The following AGBL1 variants were observed in gnomAD, a reference collection of about 807,000 sequenced individuals.
The protein encoded by AGBL1 is cytosolic carboxypeptidase 4.
In AGBL1, 130 loss-of-function variants were observed where a neutral mutation model predicts 118.9. That is an observed-to-expected ratio of 1.09 (90% CI 0.95 to 1.26). AGBL1 has a LOEUF of 1.26. AGBL1 is among the 50% of genes most tolerant of loss of function. The probability of loss-of-function intolerance (pLI) is 0.00; values close to 1 mark genes in which losing one functional copy is unlikely to be tolerated. For synonymous variants in AGBL1, 555 were observed against 478.9 expected, an observed-to-expected ratio of 1.16 and a Z score of -2.08; for missense variants, 1,584 against 1,298.1, an observed-to-expected ratio of 1.22 and a Z score of -3.38.
chr15:86,300,502 A>G (rs745361672), intron 17 of AGBL1, among the ~76,000 whole-genome samples: 1 of 152,188 alleles, frequency 6.6e-6, no homozygotes, highest in Non-Finnish European at 1.5e-5. Flanking sequence ...CATTCTCTAA[A>G]TGAATAGTCA....
chr15:86,225,597 G>C (rs1322424102), intron 6 of AGBL1, among the ~76,000 whole-genome samples: 1 of 152,128 alleles, frequency 6.6e-6, no homozygotes, highest in African/African-American at 2.4e-5. Context: ...TAATTACGTT[G>C]GGAGTCAATT....
At chr15:86,585,696 T>C (rs1348370414) in intron 21 of AGBL1, among the ~76,000 whole-genome samples, 1 of 152,062 alleles carries the variant, frequency 6.6e-6, no homozygotes, top group Non-Finnish European at 1.5e-5. Context: ...CTTTTAAACA[T>C]AAAATAAACA....
chr15:86,700,168 C>CT (rs1202120514), intron 22 of AGBL1, among the ~76,000 whole-genome samples: 1 of 151,862 alleles, frequency 6.6e-6, no homozygotes, highest in Non-Finnish European at 1.5e-5. Context: ...TCAAGGATTA[C>CT]TTTTTTCTTC....
chr15:87,027,319 T>G (rs1395971818), intron 24 of AGBL1, among the ~76,000 whole-genome samples: 1 of 151,992 alleles, frequency 6.6e-6, no homozygotes, highest in African/African-American at 2.4e-5. Context: ...GAAGTGCTTT[T>G]ACACTGTTGG....
chr15:86,793,893 CAAT>C (rs1298207269), intron 22 of AGBL1, among the ~76,000 whole-genome samples: 12 of 152,124 alleles, frequency 7.9e-5, no homozygotes, highest in Non-Finnish European at 1.8e-4. Context: ...ATTAAAACAA[CAAT>C]GAGATACCAC....
Position 86,910,244 on chromosome 15 carries a change from A to T in AGBL1, c.*2950A>T, listed in dbSNP as rs1468428677. ...TAAAGGGAGAAAAGACATGCGAAGGAGTGGAAAGATTTTGTGCAAAGGCCC... is the reference window on the plus strand; with the variant it reads ...TAAAGGGAGAAAAGACATGCGAAGGTGTGGAAAGATTTTGTGCAAAGGCCC... On this transcript the variant is annotated 3_prime_UTR_variant, in exon 23 of 23. Coordinates refer to ENST00000614907, the MANE Select transcript of AGBL1 (RefSeq NM_001386094.1). The T allele has an allele frequency of 6.6e-6, 1 of 152,230 alleles. No homozygotes were observed. The highest frequency in any genetic ancestry group is 1.9e-4 in the East Asian group (1 of 5,198). 9.4% of individuals were successfully genotyped at this position (152,230 alleles called of 1,614,324 possible).
At chr15:86,407,281 A>G (rs1011498941) in intron 18 of AGBL1, among the ~76,000 whole-genome samples, 1 of 152,230 alleles carries the variant, frequency 6.6e-6, no homozygotes, top group Non-Finnish European at 1.5e-5. Context: ...ACTCAAGGTC[A>G]GTCCCGTGTC....
chr15:86,526,563 TATATATATATAC>T (rs2083266472), intron 19 of AGBL1, among the ~76,000 whole-genome samples: 1 of 140,252 alleles, frequency 7.1e-6, no homozygotes, highest in African/African-American at 2.6e-5. Context: ...TATATATATA[TATATATATATAC>T]ACACAGAGTA....
chr15:86,220,419 C>G (rs1408735693), intron 5 of AGBL1, among the ~76,000 whole-genome samples: 1 of 152,192 alleles, frequency 6.6e-6, no homozygotes, highest in Non-Finnish European at 1.5e-5. Context: ...TGCTGCTTGG[C>G]ATTTATAGGT....
chr15:86,301,869 G>T (rs962465225), intron 17 of AGBL1, among the ~76,000 whole-genome samples: 1 of 152,040 alleles, frequency 6.6e-6, no homozygotes, highest in Admixed American at 6.6e-5. Context: ...ACACAGCTTT[G>T]CTTTCAAAGA....
intron 22 of AGBL1, among the ~76,000 whole-genome samples, chr15:86,844,831 G>C (rs1567203378): frequency 6.6e-6 from 1 of 152,076 alleles, no homozygotes; most frequent in African/African-American, 2.4e-5. Context: ...GAGTTTGATA[G>C]TTTTTGCTCT....
chr15:86,100,786 T>C (rs1401988755), intron 1 of AGBL1, among the ~76,000 whole-genome samples: 1 of 152,074 alleles, frequency 6.6e-6, no homozygotes, highest in Non-Finnish European at 1.5e-5. Context: ...TATCTAGCAG[T>C]TTGTCGATTT....
At chr15:86,168,424 CAAA>C (rs1000212585) in intron 5 of AGBL1, among the ~76,000 whole-genome samples, 2 of 151,982 alleles carry the variant, frequency 1.3e-5, no homozygotes, top group African/African-American at 4.8e-5. Flanking sequence ...TGTATCAAGA[CAAA>C]AAAATTCCTA....
chr15:86,154,168 T>C lies in AGBL1; in HGVS notation c.263-262T>C, dbSNP rs566554885. Among the ~76,000 whole-genome samples, 23 of 152,300 alleles carry C rather than the reference T, an allele frequency of 1.5e-4. No homozygotes were observed. The East Asian group carries it at 4.1e-3, about 27-fold the overall frequency. On this transcript the variant is annotated intron_variant, in intron 3 of 22. Coordinates refer to ENST00000614907, the MANE Select transcript of AGBL1 (RefSeq NM_001386094.1). Reference sequence around the variant, plus strand: ...ATTCCCAATTGAACTGTGGTTAATGTATGAGGACAACCTAAATATAGGGGC... The same window carrying C: ...ATTCCCAATTGAACTGTGGTTAATGCATGAGGACAACCTAAATATAGGGGC...
chr15:86,465,875 G>C (rs1376480383), intron 18 of AGBL1, among the ~76,000 whole-genome samples: 1 of 152,134 alleles, frequency 6.6e-6, no homozygotes, highest in Non-Finnish European at 1.5e-5. Flanking sequence ...CTCTGCCCTT[G>C]TGATATTTTA....
intron 21 of AGBL1, among the ~76,000 whole-genome samples, chr15:86,620,130 A>G (rs1288771621): frequency 6.6e-6 from 1 of 152,198 alleles, no homozygotes; most frequent in Non-Finnish European, 1.5e-5. Flanking sequence ...GAAAGGGTCC[A>G]CAAAATTGGT....
chr15:86,934,161 A>T (rs2080638237), intron 23 of AGBL1, among the ~76,000 whole-genome samples: 1 of 152,208 alleles, frequency 6.6e-6, no homozygotes, highest in African/African-American at 2.4e-5. Context: ...TAAACAGCTA[A>T]AAGCTGCTGT....
intron 19 of AGBL1, among the ~76,000 whole-genome samples, chr15:86,529,853 A>G (rs1182564426): frequency 2.0e-5 from 3 of 146,820 alleles, no homozygotes; most frequent in Non-Finnish European, 4.5e-5. Flanking sequence ...ATATCCAGCC[A>G]AACTAAGCTT....
intron 22 of AGBL1, among the ~76,000 whole-genome samples, chr15:86,801,415 G>C (rs962850184): frequency 6.6e-6 from 1 of 151,828 alleles, no homozygotes; most frequent in Non-Finnish European, 1.5e-5. Flanking sequence ...TTCTGTGCCT[G>C]CTACTTACTG....
Sources: allele counts gnomAD v4.1 joint callset (sites outside exome capture counted in the v4.1 genomes callset), GRCh38; gene constraint gnomAD v4.1.1; transcripts MANE v1.5; gene names NCBI Gene and HGNC (gene_info 2026-07-23, HGNC 2026-07-21).